TNPO3: variants seen among roughly 807,000 people sequenced by gnomAD.
TNPO3 encodes transportin-3.
Under a neutral mutation model 122.8 loss-of-function variants are expected in TNPO3, and 65 were observed. The ratio of observed to expected loss-of-function variants is 0.53; its 90% CI spans 0.43 to 0.65. TNPO3 has a LOEUF of 0.65. Among genes scored for constraint, TNPO3 ranks in the 30% least tolerant of loss-of-function variants. The pLI is 0.00. For synonymous variants in TNPO3, 372 were observed against 411.2 expected (o/e 0.90, Z 1.15); for missense variants, 850 against 1,136.7 (o/e 0.75, Z 3.63).
At chr7:129,039,050 G>A (rs960432483) in intron 1 of TNPO3, among the ~76,000 whole-genome samples, 8 of 152,036 alleles carry the variant, frequency 5.3e-5, no homozygotes, top group African/African-American at 1.4e-4. Context: ...AAAAGCATAC[G>A]AAAAGATGCT....
intron 4 of TNPO3, among the ~76,000 whole-genome samples, chr7:129,011,992 T>C (rs924684319): frequency 2.7e-5 from 4 of 149,058 alleles, no homozygotes; most frequent in African/African-American, 9.8e-5. Context: ...ATTTCTTTTT[T>C]CTTTTTCTTT....
chr7:128,997,133 C>T (rs1801420173), intron 8 of TNPO3, among the ~76,000 whole-genome samples: 1 of 152,122 alleles, frequency 6.6e-6, no homozygotes, highest in African/African-American at 2.4e-5. Flanking sequence ...GCTAGGACTA[C>T]AGGCGTGTGC....
chr7:129,018,044 G>C lies in TNPO3; in HGVS notation c.234C>G (p.Leu78=). ...GTAAAGAGGCATGAGAGTCTGTGGGGAGCTCATAAAATGAGGTCTGAATCT... is the reference window on the plus strand; with the variant it reads ...GTAAAGAGGCATGAGAGTCTGTGGGCAGCTCATAAAATGAGGTCTGAATCT... ...KMKIQTSFYE[L]PTDSHASLRD... The change falls in exon 2 of 23, where the codon CTC becomes CTG. Residue 78 remains leucine, a synonymous_variant. Transcript: ENST00000265388. 1 of 1,614,108 alleles carries C rather than the reference G, an allele frequency of 6.2e-7. No homozygotes were observed. Among genetic ancestry groups the C allele is most frequent in the Non-Finnish European group, 8.5e-7 (1 of 1,180,020 alleles).
Position 128,993,987 on chromosome 7 carries a change from G to A in TNPO3, c.1159-73C>T, listed in dbSNP as rs894742689. ...TCAATGACCTCTATAAAATCAAGAA[G>A]AAGAAAAAAACCATTAAGCAGTCAA... On this transcript the variant is annotated intron_variant, in intron 8 of 22. Transcript: ENST00000265388. 8 of 1,367,902 alleles carry A rather than the reference G, an allele frequency of 5.8e-6. No individual in the cohort carries two copies. In the Admixed American group the frequency reaches 6.5e-5, roughly 11 times the overall value. The allele number at this position is 1,367,902 out of a possible 1,614,324, so 84.7% of individuals were successfully genotyped here. A position where few individuals can be genotyped will look rare whatever the true frequency, so the allele number is the denominator to read the frequency against.
intron 1 of TNPO3, among the ~76,000 whole-genome samples, chr7:129,051,853 AG>A (rs1180585095): frequency 6.6e-6 from 1 of 152,146 alleles, no homozygotes; most frequent in African/African-American, 2.4e-5. Context: ...CATGTTGGCC[AG>A]GCTGGTCTCA....
intron 1 of TNPO3, among the ~76,000 whole-genome samples, chr7:129,032,042 G>T (rs1460823870): frequency 6.6e-6 from 1 of 150,876 alleles, no homozygotes; most frequent in Non-Finnish European, 1.5e-5. Flanking sequence ...TTTATACCTG[G>T]AATACAAGGG....
At chr7:128,988,805 G>A (rs1163300664) in intron 11 of TNPO3, among the ~76,000 whole-genome samples, 3 of 152,106 alleles carry the variant, frequency 2.0e-5, no homozygotes, top group African/African-American at 7.2e-5. Flanking sequence ...TGGGCCAGGC[G>A]TGGTGGCTCA....
chr7:129,053,669 A>T (rs1809088076), intron 1 of TNPO3, among the ~76,000 whole-genome samples: 1 of 152,164 alleles, frequency 6.6e-6, no homozygotes, highest in South Asian at 2.1e-4. Flanking sequence ...GGCCAAAAAA[A>T]ATATGGTTGT....
chr7:128,973,753 A>AC (rs1798741771), intron 18 of TNPO3, among the ~76,000 whole-genome samples: 1 of 145,854 alleles, frequency 6.9e-6, no homozygotes, highest in Non-Finnish European at 1.5e-5. Context: ...AAAAAAAAAA[A>AC]AAAAAAAAAG....
At chr7:129,016,031 G>A (rs542676120) in intron 3 of TNPO3, among the ~76,000 whole-genome samples, 1 of 151,290 alleles carries the variant, frequency 6.6e-6, no homozygotes, top group African/African-American at 2.4e-5. Flanking sequence ...GTTGTAGTGA[G>A]CCATGACTGT....
chr7:129,047,864 C>T (rs1808237302), intron 1 of TNPO3, among the ~76,000 whole-genome samples: 1 of 152,126 alleles, frequency 6.6e-6, no homozygotes, highest in Non-Finnish European at 1.5e-5. Context: ...ACAAAATCTT[C>T]CGGAAAGAAA....
intron 20 of TNPO3, among the ~76,000 whole-genome samples, chr7:128,967,845 C>T (rs1798075563): frequency 6.6e-6 from 1 of 152,152 alleles, no homozygotes; most frequent in Non-Finnish European, 1.5e-5. Flanking sequence ...GACCTTCCAG[C>T]CTCAAGTGAT....
At chr7:129,007,603 T>C (rs1044968873) in intron 4 of TNPO3, among the ~76,000 whole-genome samples, 3 of 152,360 alleles carry the variant, frequency 2.0e-5, no homozygotes, top group East Asian at 1.9e-4. Context: ...GTATACATCA[T>C]TTGTAATGAA....
intron 21 of TNPO3, among the ~76,000 whole-genome samples, chr7:128,960,071 A>G (rs758953457): frequency 4.4e-4 from 67 of 152,266 alleles, no homozygotes; most frequent in South Asian, 6.2e-4. Flanking sequence ...ATGTGCTACA[A>G]TGATGTTTTG....
Position 128,990,097 on chromosome 7 carries a change from T to C in TNPO3, c.1362A>G (p.Glu454=). 6.2e-7 allele frequency: 1 copy of C among 1,614,204 alleles called. No individual in the cohort carries two copies. The highest frequency in any genetic ancestry group is 8.5e-7 in the Non-Finnish European group (1 of 1,180,024). ...GGACTTCCACAAGTGTTGGATTGTT[T>C]TCCCTGAGTACAGGCGGTAAGTACT... is the stretch of plus-strand genomic sequence containing the variant. ...MAAIAKSVDP[E]NNPTLVEVLE... is the part of the protein sequence containing the mutation. The change falls in exon 11 of 23, where the codon GAA becomes GAG. Residue 454 remains glutamate, a synonymous_variant. Coordinates refer to ENST00000265388, the MANE Select transcript of TNPO3 (RefSeq NM_012470.4).
intron 1 of TNPO3, among the ~76,000 whole-genome samples, chr7:129,024,061 C>G (rs553788017): frequency 6.6e-6 from 1 of 152,298 alleles, no homozygotes; most frequent in East Asian, 1.9e-4. Flanking sequence ...GAATCTGCAC[C>G]GGCCTTGATA....
chr7:128,999,621 T>C (rs1217599626), intron 7 of TNPO3, among the ~76,000 whole-genome samples: 1 of 151,820 alleles, frequency 6.6e-6, no homozygotes, highest in Admixed American at 6.6e-5. Flanking sequence ...CACTTTTTTT[T>C]TTTTTTTTGA....
chr7:128,964,814 CA>C, intron 21 of TNPO3, among the ~76,000 whole-genome samples: 1 of 152,252 alleles, frequency 6.6e-6, no homozygotes, highest in East Asian at 1.9e-4. Context: ...TGATTTTCAA[CA>C]AGGATGTCAA....
chr7:129,045,063 C>T (rs1807859145), intron 1 of TNPO3, among the ~76,000 whole-genome samples: 2 of 151,904 alleles, frequency 1.3e-5, no homozygotes, highest in South Asian at 2.1e-4. Context: ...ATGGATGAAC[C>T]CTGAAGATAT....
Sources: gnomAD v4.1 joint callset for allele counts (sites outside exome capture counted in the v4.1 genomes callset) on GRCh38, gnomAD v4.1.1 for gene constraint, MANE v1.5 for transcripts, NCBI Gene and HGNC (gene_info 2026-07-23, HGNC 2026-07-21) for gene names.